The following MED13L variants were observed in gnomAD, a reference collection of about 807,000 sequenced individuals.
MED13L encodes the protein mediator complex subunit 13L.
MED13L carries 7 observed loss-of-function variants against 220.9 expected under a neutral mutation model. That is an observed-to-expected ratio of 0.03 (90% CI 0.02 to 0.06). MED13L has a LOEUF of 0.06. Ranked by LOEUF, MED13L falls within the 10% of genes least tolerant of loss-of-function variation. The pLI is 1.00. For missense variants in MED13L, 1,965 were observed against 2,760.5 expected (o/e 0.71, Z 6.46); for synonymous variants, 1,011 against 1,015.2 (o/e 1.00, Z 0.08).
chr12:115,977,144 C>A (rs185620467), intron 23 of MED13L, among the ~76,000 whole-genome samples: 1 of 152,174 alleles, frequency 6.6e-6, no homozygotes, highest in African/African-American at 2.4e-5. Flanking sequence ...CAGAGTAAGA[C>A]CCTGTCTCAA....
intron 2 of MED13L, among the ~76,000 whole-genome samples, chr12:116,149,563 T>C (rs1269553073): frequency 6.6e-6 from 1 of 152,196 alleles, no homozygotes. Context: ...AACAAGCAAG[T>C]TACTTAAAAA....
chr12:116,006,408 C>T lies in MED13L; in HGVS notation c.2242G>A (p.Glu748Lys), dbSNP rs1214147078. ...EKDSLKKNKS[E>K]DGFGTKDVTT... ...ACATCCTTGGTACCAAATCCATCCT[C>T]TGACTGTATAATAAATTCAGCCAAA... The change falls in exon 12 of 31, where the codon GAG (glutamate) becomes AAG (lysine). Residue 748 changes from glutamate (E) to lysine (K), a missense_variant. Physicochemically the swap from Glu to Lys is moderately conservative, Grantham distance 56. This residue lies in a region of MED13L where 818 missense variants were observed against 1,041.2 expected (regional missense o/e 0.79). Transcript: ENST00000281928. 6.2e-7 allele frequency: 1 copy of T among 1,613,288 alleles called. No homozygotes were observed. Among genetic ancestry groups the T allele is most frequent in the African/African-American group, 1.3e-5 (1 of 74,888 alleles).
chr12:116,252,797 A>G (rs899467186), intron 1 of MED13L, among the ~76,000 whole-genome samples: 7 of 152,110 alleles, frequency 4.6e-5, no homozygotes, highest in South Asian at 2.1e-4. Flanking sequence ...CACACTACCA[A>G]TATCAGGAAA....
intron 25 of MED13L, among the ~76,000 whole-genome samples, chr12:115,972,926 C>T (rs1876687090): frequency 6.6e-6 from 1 of 152,158 alleles, no homozygotes; most frequent in Non-Finnish European, 1.5e-5. Context: ...CTTCTGACCT[C>T]CCTTACACAC....
chr12:116,145,681 A>ATTTG (rs1162675883), intron 2 of MED13L, among the ~76,000 whole-genome samples: 7 of 130,564 alleles, frequency 5.4e-5, no homozygotes, highest in African/African-American at 2.4e-4. Flanking sequence ...TTATTTATTT[A>ATTTG]TTTATTTATT....
At position 115,964,096 on chromosome 12, in the gene MED13L, GAAAC is replaced by G. The variant is rs906084252; in HGVS notation, c.6388-581_6388-578del. ...AGCAAGACTCTGTCTCCAAAAAAAAGAAACAAACAAACCAACCCCCAAAAAACCC... is the reference window on the plus strand; with the variant it reads ...AGCAAGACTCTGTCTCCAAAAAAAAGAAACAAACCAACCCCCAAAAAACCC... On this transcript the variant is annotated intron_variant, in intron 29 of 30. Coordinates refer to ENST00000281928, the MANE Select transcript of MED13L (RefSeq NM_015335.5). Among the ~76,000 whole-genome samples the G allele has an allele frequency of 9.2e-5, 14 of 151,614 alleles. No individual in the cohort carries two copies. In the East Asian group the frequency reaches 1.5e-3, roughly 17 times the overall value.
intron 3 of MED13L, among the ~76,000 whole-genome samples, chr12:116,098,373 A>G (rs757289068): frequency 3.9e-5 from 6 of 152,366 alleles, no homozygotes; most frequent in Non-Finnish European, 8.8e-5. Context: ...GAAATTCTAC[A>G]TATTTTGTAA....
chr12:116,093,006 T>A (rs898230729), intron 4 of MED13L, among the ~76,000 whole-genome samples: 1 of 152,180 alleles, frequency 6.6e-6, no homozygotes, highest in African/African-American at 2.4e-5. Context: ...GGCAATAAAC[T>A]GTTTCCTAAA....
At chr12:116,107,820 C>T (rs866900118) in intron 3 of MED13L, among the ~76,000 whole-genome samples, 58 of 152,136 alleles carry the variant, frequency 3.8e-4, no homozygotes, top group African/African-American at 1.4e-3. Flanking sequence ...GGCCGGGCGC[C>T]GTGGCTCATG....
chr12:116,063,158 T>C (rs1358262395), intron 4 of MED13L, among the ~76,000 whole-genome samples: 1 of 152,170 alleles, frequency 6.6e-6, no homozygotes. Flanking sequence ...GTCTCATCCA[T>C]AAGAGCAAGG....
intron 4 of MED13L, among the ~76,000 whole-genome samples, chr12:116,025,824 GCATTGTATAT>G (rs1258585867): frequency 7.2e-5 from 11 of 152,124 alleles, no homozygotes; most frequent in African/African-American, 2.7e-4. Flanking sequence ...TAACAATAAT[GCATTGTATAT>G]CTCAAAACAG....
chr12:116,144,061 T>C (rs1467134499), intron 2 of MED13L, among the ~76,000 whole-genome samples: 13 of 152,134 alleles, frequency 8.5e-5, no homozygotes, highest in Non-Finnish European at 1.5e-5. Flanking sequence ...GGCCTTTCCT[T>C]TGCCCCTGTG....
chr12:116,254,888 G>C (rs1871902074), intron 1 of MED13L, among the ~76,000 whole-genome samples: 1 of 152,144 alleles, frequency 6.6e-6, no homozygotes, highest in Non-Finnish European at 1.5e-5. Context: ...ACAATGTTGA[G>C]AGAAATTAAA....
Position 115,960,226 on chromosome 12 carries a change from C to CA in MED13L, c.*1039dup, listed in dbSNP as rs1875675405. The CA allele has an allele frequency of 6.6e-6, 1 of 152,606 alleles. No individual in the cohort carries two copies. The highest frequency in any genetic ancestry group is 6.5e-5 in the Admixed American group (1 of 15,274). 9.5% of individuals were successfully genotyped at this position (152,606 alleles called of 1,614,324 possible). A position where few individuals can be genotyped will look rare whatever the true frequency, so the allele number is the denominator to read the frequency against. On this transcript the variant is annotated 3_prime_UTR_variant, in exon 31 of 31. Transcript: ENST00000281928. Reference sequence around the variant, plus strand: ...AACTGATTTCATGAGCAAACACTTTCAATTGTTGTATGTACATAAGTCCCT... The same window carrying CA: ...AACTGATTTCATGAGCAAACACTTTCAAATTGTTGTATGTACATAAGTCCCT...
chr12:116,242,414 T>C (rs184037522), intron 1 of MED13L, among the ~76,000 whole-genome samples: 384 of 152,306 alleles, frequency 2.5e-3, no homozygotes, highest in African/African-American at 9.0e-3. Context: ...ATTTCAAAAT[T>C]TTAAAGCAAA....
intron 8 of MED13L, among the ~76,000 whole-genome samples, chr12:116,014,267 C>T (rs549866781): frequency 1.9e-4 from 29 of 152,292 alleles, no homozygotes; most frequent in African/African-American, 6.7e-4. Context: ...ATTTCATTGG[C>T]TTCTAAATGA....
At chr12:116,083,003 T>G (rs1871333509) in intron 4 of MED13L, among the ~76,000 whole-genome samples, 1 of 152,234 alleles carries the variant, frequency 6.6e-6, no homozygotes, top group Non-Finnish European at 1.5e-5. Context: ...TTGATAGGTT[T>G]GATTCAGAAA....
chr12:116,074,053 T>C (rs956399140), intron 4 of MED13L, among the ~76,000 whole-genome samples: 7 of 152,196 alleles, frequency 4.6e-5, no homozygotes, highest in Non-Finnish European at 1.5e-5. Flanking sequence ...CTATTGCAGT[T>C]TTCTCCCCAA....
chr12:116,098,935 GA>G (rs1229115470), intron 3 of MED13L, among the ~76,000 whole-genome samples: 1 of 152,094 alleles, frequency 6.6e-6, no homozygotes, highest in Non-Finnish European at 1.5e-5. Context: ...ATTTTTATTA[GA>G]GTACATATAA....
Sources: gnomAD v4.1 joint callset for allele counts (sites outside exome capture counted in the v4.1 genomes callset) on GRCh38, gnomAD v4.1.1 for gene constraint, gnomAD v4.1.1 regional missense constraint, MANE v1.5 for transcripts, NCBI Gene and HGNC (gene_info 2026-07-23, HGNC 2026-07-21) for gene names.